FAM222B: variants seen among roughly 807,000 people sequenced by gnomAD.
The protein encoded by FAM222B is protein FAM222B.
A neutral mutation model predicts 38.0 loss-of-function variants in FAM222B; 12 were observed. The ratio of observed to expected loss-of-function variants is 0.32; its 90% confidence interval spans 0.20 to 0.51. The LOEUF is 0.51. Among genes scored for constraint, FAM222B ranks in the 20% least tolerant of loss-of-function variants. The pLI is 0.97. For synonymous variants in FAM222B, 329 were observed against 317.2 expected, an observed-to-expected ratio of 1.04 and a Z score of -0.40; for missense variants, 716 against 754.2, an observed-to-expected ratio of 0.95 and a Z score of 0.59.
Position 28,766,675 on chromosome 17 carries a change from T to C in FAM222B, c.-8A>G. ...TGGTAGACAGGCTAGCATGGCAGAT[T>C]GGCATCAACACAACATGGGGCAGTG... On this transcript the variant is annotated 5_prime_UTR_variant, in exon 2 of 3. Transcript: ENST00000581407. 3 of 1,597,432 alleles carry C rather than the reference T, an allele frequency of 1.9e-6. No individual in the cohort carries two copies. Among genetic ancestry groups the C allele is most frequent in the Non-Finnish European group, 2.6e-6 (3 of 1,171,658 alleles).
At chr17:28,790,241 A>C (rs1399890999) in intron 1 of FAM222B, 3 of 151,454 alleles carry the variant, frequency 2.0e-5, no homozygotes, top group East Asian at 1.9e-4. Flanking sequence ...ATATTTGTAT[A>C]GTTTCTAAGC....
rs1419249943 is a variant in FAM222B at position 28,758,378 on chromosome 17, T to C, written c.1581A>G (p.Arg527=). The C allele has an allele frequency of 6.8e-6, 11 of 1,613,704 alleles. No homozygotes were observed. The highest frequency in any genetic ancestry group is 9.3e-6 in the Non-Finnish European group (11 of 1,179,850). ...TGCTCAGCATGGCCAGGCTCTGTTC[T>C]CGGAAGCAGGCCTGTTGGAAATCCC... ...LSGDFQQACF[R]EQSLAMLSKA... The change falls in exon 3 of 3, where the codon CGA becomes CGG. Residue 527 remains arginine, a synonymous_variant. Coordinates refer to ENST00000581407, the MANE Select transcript of FAM222B (RefSeq NM_001077498.3).
intron 1 of FAM222B, among the ~76,000 whole-genome samples, chr17:28,798,767 G>A (rs781464649): frequency 6.9e-5 from 10 of 145,574 alleles, no homozygotes; most frequent in Non-Finnish European, 1.2e-4. Flanking sequence ...CCTGAGTAGC[G>A]CCACTATGCC....
intron 1 of FAM222B, among the ~76,000 whole-genome samples, chr17:28,829,218 C>CT (rs58425199): frequency 2.1e-5 from 3 of 140,944 alleles, no homozygotes; most frequent in East Asian, 2.1e-4. Context: ...TCTCTCTACT[C>CT]TTTTTTTTTT....
chr17:28,806,322 A>C (rs901218432), intron 1 of FAM222B, among the ~76,000 whole-genome samples: 1 of 152,148 alleles, frequency 6.6e-6, no homozygotes, highest in Non-Finnish European at 1.5e-5. Flanking sequence ...TGAACTCTTA[A>C]CTAGAGTCTT....
chr17:28,758,288 C>T lies in FAM222B; in HGVS notation c.1671G>A (p.Gln557=), dbSNP rs916345080. 11 of 1,589,964 alleles carry T rather than the reference C, an allele frequency of 6.9e-6. No homozygotes were observed. The African/African-American group carries it at 1.5e-4, about 21-fold the overall frequency. The change falls in exon 3 of 3, where the codon CAG becomes CAA. Residue 557 remains glutamine (Q), a synonymous_variant. Transcript: ENST00000581407. ...GGGCTACCTATCTATACCCTGGGTG[C>T]TGAATATGAAGACTTCGACTCTCTG... ...DPTESRSLHI[Q]HPGYR
At chr17:28,834,768 T>C (rs1345730848) in intron 1 of FAM222B, 5 of 151,896 alleles carry the variant, frequency 3.3e-5, no homozygotes. Flanking sequence ...ATATAAGAAG[T>C]TACAAATTTC....
At chr17:28,765,679 AG>A (rs1317268007) in intron 2 of FAM222B, among the ~76,000 whole-genome samples, 1 of 152,224 alleles carries the variant, frequency 6.6e-6, no homozygotes, top group Non-Finnish European at 1.5e-5. Context: ...GAGAGAAGGT[AG>A]GAAGGAGTCC....
chr17:28,823,297 C>T (rs1253650183), intron 1 of FAM222B, among the ~76,000 whole-genome samples: 1 of 152,036 alleles, frequency 6.6e-6, no homozygotes, highest in Non-Finnish European at 1.5e-5. Context: ...GTTGTCAAAT[C>T]CTGTGAGTAC....
At chr17:28,810,837 T>A (rs1383208984) in intron 1 of FAM222B, among the ~76,000 whole-genome samples, 1 of 152,202 alleles carries the variant, frequency 6.6e-6, no homozygotes, top group East Asian at 1.9e-4. Flanking sequence ...ATTATCCCTA[T>A]TTTTTATAAT....
At chr17:28,829,848 A>T (rs12947735) in intron 1 of FAM222B, among the ~76,000 whole-genome samples, 28,748 of 151,576 alleles carry the variant, frequency 0.19, 2,841 homozygotes, top group South Asian at 0.3. Context: ...CATTTTTTTT[A>T]AATTTTTTTT....
At chr17:28,788,995 C>T (rs2036539775) in intron 1 of FAM222B, among the ~76,000 whole-genome samples, 1 of 150,144 alleles carries the variant, frequency 6.7e-6, no homozygotes, top group Non-Finnish European at 1.5e-5. Flanking sequence ...GATCTGCCTG[C>T]CTGCCTCGGC....
At chr17:28,852,345 G>C (rs918535650) in intron 1 of FAM222B, among the ~76,000 whole-genome samples, 5 of 151,564 alleles carry the variant, frequency 3.3e-5, no homozygotes. Flanking sequence ...GACAGAGCGA[G>C]ACTCTGTCTC....
rs538796534 is a variant in FAM222B at position 28,817,420 on chromosome 17, A to G, written c.-41+25262T>C. On this transcript the variant is annotated intron_variant, in intron 1 of 2. Transcript: ENST00000581407. ...AGAGTGAGACTCTGTCTCAAAAAAA[A>G]AAAAATTAATAATCATAATAAGGCC... Among the ~76,000 whole-genome samples, 14 of 151,754 alleles carry G rather than the reference A, an allele frequency of 9.2e-5. No homozygotes were observed. The East Asian group carries it at 1.6e-3, about 17-fold the overall frequency.
intron 1 of FAM222B, among the ~76,000 whole-genome samples, chr17:28,840,820 G>C (rs2039011883): frequency 6.6e-6 from 1 of 151,888 alleles, no homozygotes; most frequent in African/African-American, 2.4e-5. Context: ...AATTAGCCGG[G>C]TATGGTGGCA....
chr17:28,783,764 G>C (rs1254470073), intron 1 of FAM222B, among the ~76,000 whole-genome samples: 1 of 151,734 alleles, frequency 6.6e-6, no homozygotes, highest in Non-Finnish European at 1.5e-5. Context: ...ACCTGCCTCG[G>C]CCTCCCAAAC....
At chr17:28,805,048 G>GAA (rs1005549972) in intron 1 of FAM222B, among the ~76,000 whole-genome samples, 1 of 140,808 alleles carries the variant, frequency 7.1e-6, no homozygotes, top group African/African-American at 2.6e-5. Flanking sequence ...TCCATCTCAG[G>GAA]AAAAAAAAAA....
chr17:28,829,960 C>T (rs2038604232), intron 1 of FAM222B, among the ~76,000 whole-genome samples: 2 of 151,796 alleles, frequency 1.3e-5, no homozygotes, highest in African/African-American at 4.8e-5. Flanking sequence ...AGAAATTCTC[C>T]TGCCTCAGCC....
chr17:28,832,823 C>T (rs1462054275), intron 1 of FAM222B, among the ~76,000 whole-genome samples: 2 of 151,828 alleles, frequency 1.3e-5, no homozygotes, highest in African/African-American at 4.8e-5. Flanking sequence ...GGATGTCCTA[C>T]CTTGCAAACA....
Sources: allele counts gnomAD v4.1 joint callset (sites outside exome capture counted in the v4.1 genomes callset), GRCh38; gene constraint gnomAD v4.1.1; transcripts MANE v1.5; gene names NCBI Gene and HGNC (gene_info 2026-07-23, HGNC 2026-07-21).